The following CDH6 variants were observed in gnomAD, a reference collection of about 807,000 sequenced individuals.
CDH6 encodes the protein cadherin 6.
CDH6 carries 31 observed loss-of-function variants against 78.0 expected under a neutral mutation model. The ratio of observed to expected loss-of-function variants is 0.40; its 90% confidence interval spans 0.30 to 0.54. CDH6 has a LOEUF of 0.54. Among genes scored for constraint, CDH6 ranks in the 20% least tolerant of loss-of-function variants. CDH6 has a pLI of 0.56. For missense variants in CDH6, 724 were observed against 975.9 expected (o/e 0.74, Z 3.44); for synonymous variants, 376 against 368.8 (o/e 1.02, Z -0.23).
At chr5:31,284,406 A>G (rs954817027) in intron 2 of CDH6, among the ~76,000 whole-genome samples, 1 of 152,222 alleles carries the variant, frequency 6.6e-6, no homozygotes, top group Non-Finnish European at 1.5e-5. Context: ...CCTGAGACAC[A>G]TGAATCTGAA....
chr5:31,318,628 A>T (rs1430948412), intron 11 of CDH6: 8 of 229,468 alleles, frequency 3.5e-5, no homozygotes, highest in Non-Finnish European at 6.0e-5. Context: ...AATTAAGCCT[A>T]CAAGTCGAGC....
chr5:31,309,732 T>C (rs543914293), intron 7 of CDH6, among the ~76,000 whole-genome samples: 75 of 151,736 alleles, frequency 4.9e-4, no homozygotes, highest in African/African-American at 1.8e-3. Flanking sequence ...ACAGGAAGCA[T>C]GGCCGAGAGG....
chr5:31,313,835 G>A (rs935812336), intron 8 of CDH6, among the ~76,000 whole-genome samples: 6 of 152,152 alleles, frequency 3.9e-5, no homozygotes, highest in Non-Finnish European at 8.8e-5. Flanking sequence ...CAAGTATATT[G>A]TAAAATGTGG....
intron 1 of CDH6, among the ~76,000 whole-genome samples, chr5:31,225,556 G>A (rs966579978): frequency 6.6e-6 from 1 of 151,882 alleles, no homozygotes; most frequent in Non-Finnish European, 1.5e-5. Context: ...TTGGCGAAGG[G>A]GAAGCAGATA....
chr5:31,314,256 C>T (rs543119185), intron 8 of CDH6, among the ~76,000 whole-genome samples: 6 of 151,014 alleles, frequency 4.0e-5, no homozygotes, highest in African/African-American at 7.3e-5. Context: ...CCCATTAACT[C>T]GTCATTTACA....
At chr5:31,291,975 A>G (rs1377166211) in intron 2 of CDH6, among the ~76,000 whole-genome samples, 2 of 152,144 alleles carry the variant, frequency 1.3e-5, no homozygotes, top group African/African-American at 2.4e-5. Flanking sequence ...ACCACGATTA[A>G]CTAGCTTTTG....
At chr5:31,276,222 T>A (rs1742689688) in intron 2 of CDH6, among the ~76,000 whole-genome samples, 1 of 149,952 alleles carries the variant, frequency 6.7e-6, no homozygotes, top group South Asian at 2.1e-4. Flanking sequence ...CATAAGAAAA[T>A]TAGAGCTTTT....
chr5:31,300,459 T>C (rs541402820), intron 5 of CDH6, among the ~76,000 whole-genome samples: 2 of 152,310 alleles, frequency 1.3e-5, no homozygotes, highest in East Asian at 1.9e-4. Flanking sequence ...GAAGTAGTTT[T>C]ATTTTCTTTA....
Position 31,205,734 on chromosome 5 carries a change from T to G in CDH6, c.-129+11848T>G, listed in dbSNP as rs193245276. On this transcript the variant is annotated intron_variant, in intron 1 of 11. Coordinates refer to ENST00000265071, the MANE Select transcript of CDH6 (RefSeq NM_004932.4). ...ATTGCTTATTTGCTAAGTGAATGAC[T>G]TTTTTTTGCCTCTCATCCAAATAAT... 1.3e-4 allele frequency among the ~76,000 whole-genome samples: 20 copies of G among 152,170 alleles called. No homozygotes were observed. The East Asian group carries it at 3.3e-3, about 25-fold the overall frequency.
intron 6 of CDH6, among the ~76,000 whole-genome samples, chr5:31,303,527 G>C (rs558814673): frequency 6.6e-6 from 1 of 151,974 alleles, no homozygotes; most frequent in Non-Finnish European, 1.5e-5. Context: ...CCAAAGTACT[G>C]GTTCATTATT....
intron 6 of CDH6, among the ~76,000 whole-genome samples, chr5:31,303,206 A>G (rs1318344068): frequency 6.6e-6 from 1 of 152,210 alleles, no homozygotes; most frequent in African/African-American, 2.4e-5. Context: ...CTGGAGGTGC[A>G]CTGGTACATA....
At chr5:31,283,385 C>T (rs954901435) in intron 2 of CDH6, among the ~76,000 whole-genome samples, 4 of 152,046 alleles carry the variant, frequency 2.6e-5, no homozygotes, top group Admixed American at 6.5e-5. Flanking sequence ...TAGAGTAGGC[C>T]ACCTGGACTC....
chr5:31,217,013 G>A (rs1740884951), intron 1 of CDH6, among the ~76,000 whole-genome samples: 3 of 152,216 alleles, frequency 2.0e-5, no homozygotes, highest in Middle Eastern at 6.8e-3. Flanking sequence ...TCTGAGCAGA[G>A]GGACCTTTTA....
At chr5:31,206,649 T>C (rs959178820) in intron 1 of CDH6, among the ~76,000 whole-genome samples, 1 of 152,204 alleles carries the variant, frequency 6.6e-6, no homozygotes, top group Admixed American at 6.5e-5. Context: ...CAAACATACA[T>C]CGACTAGCAA....
chr5:31,300,087 A>T lies in CDH6; in HGVS notation c.811+456A>T, dbSNP rs115578272. Reference sequence around the variant, plus strand: ...AATACAACTGTGGAAGTAACTAGGTACTTAATCCATTTGTAATCATAAGTC... The same window carrying T: ...AATACAACTGTGGAAGTAACTAGGTTCTTAATCCATTTGTAATCATAAGTC... On this transcript the variant is annotated intron_variant, in intron 5 of 11. Transcript: ENST00000265071. 6.6e-3 allele frequency among the ~76,000 whole-genome samples: 1,009 copies of T among 152,322 alleles called. 13 individuals carry two copies. The highest frequency in any genetic ancestry group is 0.023 in the African/African-American group (969 of 41,588).
At chr5:31,252,567 G>A (rs1225361178) in intron 1 of CDH6, among the ~76,000 whole-genome samples, 2 of 152,106 alleles carry the variant, frequency 1.3e-5, no homozygotes, top group African/African-American at 4.8e-5. Context: ...AAACTCGTGT[G>A]ATAATTGGTA....
At chr5:31,247,315 AGAG>A (rs1385691125) in intron 1 of CDH6, among the ~76,000 whole-genome samples, 8 of 152,240 alleles carry the variant, frequency 5.3e-5, no homozygotes, top group Admixed American at 2.6e-4. Flanking sequence ...TCCTCAGTTT[AGAG>A]GAGAAGAAGC....
intron 1 of CDH6, among the ~76,000 whole-genome samples, chr5:31,221,534 A>G (rs1321515003): frequency 6.6e-6 from 1 of 152,166 alleles, no homozygotes; most frequent in Admixed American, 6.5e-5. Context: ...ACTGACCTTT[A>G]TTAAACATTT....
intron 1 of CDH6, among the ~76,000 whole-genome samples, chr5:31,235,712 A>G (rs938579296): frequency 2.3e-4 from 35 of 152,322 alleles, no homozygotes; most frequent in African/African-American, 8.2e-4. Context: ...AGACAATCTC[A>G]TTTCCAAACA....
Sources: gnomAD v4.1 joint callset for allele counts (sites outside exome capture counted in the v4.1 genomes callset) on GRCh38, gnomAD v4.1.1 for gene constraint, MANE v1.5 for transcripts, NCBI Gene and HGNC (gene_info 2026-07-23, HGNC 2026-07-21) for gene names.